NAALADL2: variants seen among roughly 807,000 people sequenced by gnomAD.
The protein encoded by NAALADL2 is inactive N-acetylated-alpha-linked acidic dipeptidase-like protein 2.
NAALADL2 carries 76 observed loss-of-function variants against 87.2 expected under a neutral mutation model. The observed-to-expected ratio is 0.87, with a 90% CI of 0.72 to 1.05. The LOEUF (loss-of-function observed/expected upper bound fraction) is 1.05, where lower values mean the gene tolerates loss of function less well. Ranked by LOEUF, NAALADL2 falls within the 50% of genes least tolerant of loss-of-function variation. The probability of loss-of-function intolerance (pLI) is 0.00; values close to 1 mark genes in which losing one functional copy is unlikely to be tolerated. For missense variants in NAALADL2, 1,089 were observed against 945.8 expected, an observed-to-expected ratio of 1.15 and a Z score of -1.99; for synonymous variants, 354 against 331.0, an observed-to-expected ratio of 1.07 and a Z score of -0.75.
intron 3 of NAALADL2, among the ~76,000 whole-genome samples, chr3:174,841,489 TA>T (rs1724016933): frequency 6.6e-6 from 1 of 152,186 alleles, no homozygotes. Flanking sequence ...CAGTTGGCAT[TA>T]TTTTTTCCTT....
At chr3:175,670,979 G>A (rs943747321) in intron 11 of NAALADL2, among the ~76,000 whole-genome samples, 5 of 151,516 alleles carry the variant, frequency 3.3e-5, no homozygotes, top group African/African-American at 7.3e-5. Flanking sequence ...TGAGCAACAA[G>A]TGACCTCAAG....
At chr3:175,262,999 C>CAAAAAAAAA (rs71626206) in intron 4 of NAALADL2, among the ~76,000 whole-genome samples, 1 of 128,928 alleles carries the variant, frequency 7.8e-6, no homozygotes, top group African/African-American at 2.9e-5. Context: ...GAAGTAATTG[C>CAAAAAAAAA]AAAAAAAAAA....
rs3040106 is a variant in NAALADL2, at chr3:174,819,058, C to CTTTTTTTTTTTTTTTTTTTT, written c.-9+81321_-9+81340dup. ...GAATTTCTTTATTATACCATTTATTCTTTTTTTTTTTTTTTTTTTTTTTTT... is the reference window on the plus strand; with the variant it reads ...GAATTTCTTTATTATACCATTTATTCTTTTTTTTTTTTTTTTTTTTTTTTTTTTTTTTTTTTTTTTTTTTT... On this transcript the variant is annotated intron_variant, in intron 3 of 3. Transcript: ENST00000434257. Among the ~76,000 whole-genome samples, 53 of 47,546 alleles carry CTTTTTTTTTTTTTTTTTTTT rather than the reference C, an allele frequency of 1.1e-3. 8 individuals are homozygous for CTTTTTTTTTTTTTTTTTTTT. The highest frequency in any genetic ancestry group is 3.6e-3 in the East Asian group (5 of 1,378). 31.2% of individuals were successfully genotyped at this position (47,546 alleles called of 152,430 possible).
chr3:175,036,003 T>G (rs770450901), intron 1 of NAALADL2, among the ~76,000 whole-genome samples: 33 of 152,268 alleles, frequency 2.2e-4, no homozygotes, highest in Non-Finnish European at 4.1e-4. Flanking sequence ...TAGACCTACA[T>G]AAAAGTGAAG....
intron 11 of NAALADL2, among the ~76,000 whole-genome samples, chr3:175,634,483 C>G (rs1004619619): frequency 4.0e-5 from 6 of 151,888 alleles, no homozygotes; most frequent in Non-Finnish European, 5.9e-5. Flanking sequence ...AGATGCCATT[C>G]TAAGCTATAG....
intron 4 of NAALADL2, among the ~76,000 whole-genome samples, chr3:175,287,061 A>G (rs986751355): frequency 9.2e-5 from 14 of 152,136 alleles, no homozygotes; most frequent in African/African-American, 3.1e-4. Flanking sequence ...GTGAGATTGC[A>G]CTACAGCCTG....
intron 5 of NAALADL2, among the ~76,000 whole-genome samples, chr3:175,352,991 G>A (rs1418472818): frequency 6.6e-6 from 1 of 152,008 alleles, no homozygotes; most frequent in East Asian, 1.9e-4. Context: ...TGAAATCAAC[G>A]AACCCTGAAA....
At chr3:175,116,861 ATAC>A (rs1306193012) in intron 2 of NAALADL2, among the ~76,000 whole-genome samples, 1 of 152,166 alleles carries the variant, frequency 6.6e-6, no homozygotes, top group African/African-American at 2.4e-5. Context: ...ACTTCAAACT[ATAC>A]TACAAGGCCA....
chr3:175,113,319 A>G (rs111448866), intron 2 of NAALADL2, among the ~76,000 whole-genome samples: 8 of 151,684 alleles, frequency 5.3e-5, no homozygotes, highest in African/African-American at 1.9e-4. Context: ...GTGCTGGTAG[A>G]GCATCTGTGC....
chr3:175,611,997 A>G lies in NAALADL2; in HGVS notation c.1801-15294A>G, dbSNP rs1724713692. 3.9e-5 allele frequency among the ~76,000 whole-genome samples: 6 copies of G among 152,218 alleles called. No individual in the cohort carries two copies. The South Asian group carries it at 1.0e-3, about 26-fold the overall frequency. On this transcript the variant is annotated intron_variant, in intron 10 of 13. Coordinates refer to ENST00000454872, the MANE Select transcript of NAALADL2 (RefSeq NM_207015.3). ...AAATAAATGGATTTAGCTAAAGGAAAACATTGCCCTAAATTACAGATATTC... is the reference window on the plus strand; with the variant it reads ...AAATAAATGGATTTAGCTAAAGGAAGACATTGCCCTAAATTACAGATATTC...
At chr3:175,213,096 T>C (rs2109283598) in intron 2 of NAALADL2, among the ~76,000 whole-genome samples, 1 of 152,296 alleles carries the variant, frequency 6.6e-6, no homozygotes, top group Admixed American at 6.5e-5. Flanking sequence ...ATTAATGCTT[T>C]TGATTGTAAC....
chr3:175,132,554 G>A lies in NAALADL2; in HGVS notation c.545+35263G>A, dbSNP rs1358503924. Among the ~76,000 whole-genome samples, 10 of 75,974 alleles carry A rather than the reference G, an allele frequency of 1.3e-4. 1 individual carries two copies. The highest frequency in any genetic ancestry group is 1.2e-3 in the Admixed American group (10 of 8,182). 49.8% of individuals were successfully genotyped at this position (75,974 alleles called of 152,430 possible). Reference sequence around the variant, plus strand: ...TCCCGGACGGGAAGAATGGCCGGGCGGGGGGGCTGACCCCCCCACCTCCCT... The same window carrying A: ...TCCCGGACGGGAAGAATGGCCGGGCAGGGGGGCTGACCCCCCCACCTCCCT... On this transcript the variant is annotated intron_variant, in intron 2 of 13. Coordinates refer to ENST00000454872, the MANE Select transcript of NAALADL2 (RefSeq NM_207015.3).
chr3:175,125,808 A>G (rs1248350005), intron 2 of NAALADL2, among the ~76,000 whole-genome samples: 1 of 152,100 alleles, frequency 6.6e-6, no homozygotes, highest in Non-Finnish European at 1.5e-5. Context: ...AATTGTCAGC[A>G]TATTAGTGTC....
intron 9 of NAALADL2, among the ~76,000 whole-genome samples, chr3:175,515,743 A>G (rs1026491042): frequency 1.3e-5 from 2 of 152,018 alleles, no homozygotes; most frequent in Non-Finnish European, 2.9e-5. Context: ...ACAGCCTGGA[A>G]CTCTCCAACA....
intron 9 of NAALADL2, among the ~76,000 whole-genome samples, chr3:175,499,105 A>T (rs1283407956): frequency 6.6e-6 from 1 of 152,122 alleles, no homozygotes. Flanking sequence ...GTTAATGCAG[A>T]TTAAAACTAG....
intron 2 of NAALADL2, among the ~76,000 whole-genome samples, chr3:174,552,888 T>C (rs901514257): frequency 6.6e-6 from 1 of 151,766 alleles, no homozygotes. Flanking sequence ...TATAGTTTCC[T>C]GAGTGTTTTT....
intron 1 of NAALADL2, among the ~76,000 whole-genome samples, chr3:175,019,525 G>T (rs776623923): frequency 3.3e-5 from 5 of 151,992 alleles, no homozygotes; most frequent in Non-Finnish European, 2.9e-5. Context: ...CATTGAACAT[G>T]TACTTATCCT....
chr3:174,488,177 T>A (rs1024677154), intron 1 of NAALADL2, among the ~76,000 whole-genome samples: 1 of 152,016 alleles, frequency 6.6e-6, no homozygotes, highest in Non-Finnish European at 1.5e-5. Context: ...TGCTTATATA[T>A]TACTTTACAT....
intron 1 of NAALADL2, among the ~76,000 whole-genome samples, chr3:175,019,782 A>G (rs1182406138): frequency 6.6e-6 from 1 of 152,098 alleles, no homozygotes; most frequent in East Asian, 1.9e-4. Flanking sequence ...ATGCCGTATC[A>G]AATGTCACTC....
Sources: allele counts gnomAD v4.1 joint callset (sites outside exome capture counted in the v4.1 genomes callset), GRCh38; gene constraint gnomAD v4.1.1; transcripts MANE v1.5; gene names NCBI Gene and HGNC (gene_info 2026-07-23, HGNC 2026-07-21).